ABHD2: variants seen among roughly 807,000 people sequenced by gnomAD.
ABHD2 encodes the protein monoacylglycerol lipase ABHD2.
ABHD2 carries 20 observed loss-of-function variants against 48.1 expected under a neutral mutation model. The observed-to-expected ratio is 0.42, with a 90% CI of 0.29 to 0.60. ABHD2 has a LOEUF of 0.60. ABHD2 is among the 20% of genes least tolerant of loss of function. The pLI, the probability that ABHD2 is intolerant of heterozygous loss-of-function variation, is 0.24. For missense variants in ABHD2, 405 were observed against 550.9 expected (o/e 0.74, Z 2.65); for synonymous variants, 209 against 214.2 (o/e 0.98, Z 0.21).
In ABHD2 at chr15:89,155,430, C is replaced by CT; in HGVS notation, c.437dup (p.Val147ArgfsTer2). The CT allele has an allele frequency of 1.2e-6, 2 of 1,614,200 alleles. No individual in the cohort carries two copies. Among genetic ancestry groups the CT allele is most frequent in the Non-Finnish European group, 1.7e-6 (2 of 1,180,042 alleles). ...CACAGCGAGAAGCAATACATCCGCA[C>CT]TTTCGTTGACTACGCCCAGAAAAAT... On this transcript the variant is annotated frameshift_variant, in exon 5 of 11. Coordinates refer to ENST00000352732, the MANE Select transcript of ABHD2 (RefSeq NM_152924.5). LOFTEE classifies it high-confidence loss of function. The surrounding 1 kb of genome is among the most constrained non-coding windows in gnomAD (Gnocchi z 4.9).
At chr15:89,099,426 T>C (rs1483857163) in intron 1 of ABHD2, among the ~76,000 whole-genome samples, 2 of 151,496 alleles carry the variant, frequency 1.3e-5, no homozygotes, top group Admixed American at 6.6e-5. Flanking sequence ...ATAGTGAGAC[T>C]CCATCTCTGC....
At chr15:89,170,886 G>A (rs2050915372) in intron 5 of ABHD2, among the ~76,000 whole-genome samples, 1 of 152,132 alleles carries the variant, frequency 6.6e-6, no homozygotes, top group South Asian at 2.1e-4. Flanking sequence ...GGGAGGCCGA[G>A]GGGGGCGGAT....
chr15:89,065,487 C>T, the ABHD2 span, among the ~76,000 whole-genome samples: 1 of 152,074 alleles, frequency 6.6e-6, no homozygotes, highest in Non-Finnish European at 1.5e-5. Context: ...GTTTCTTTTC[C>T]TGACAGTCTG....
chr15:89,051,545 A>C, the ABHD2 span, among the ~76,000 whole-genome samples: 1 of 152,126 alleles, frequency 6.6e-6, no homozygotes, highest in Non-Finnish European at 1.5e-5. Context: ...GCCCCCACCC[A>C]AATCTCATCT....
chr15:89,110,837 T>C lies in ABHD2; in HGVS notation c.-106-2888T>C, dbSNP rs115281899. 2.9e-3 allele frequency among the ~76,000 whole-genome samples: 446 copies of C among 152,352 alleles called. 3 individuals are homozygous for C. The highest frequency in any genetic ancestry group is 8.6e-3 in the African/African-American group (357 of 41,580). ...TTGAGGGTTGAGGAAATTAATTCTCTACTGCATTTGCTATTTAAAAAAAGT... is the reference window on the plus strand; with the variant it reads ...TTGAGGGTTGAGGAAATTAATTCTCCACTGCATTTGCTATTTAAAAAAAGT... On this transcript the variant is annotated intron_variant, in intron 1 of 10. Coordinates refer to ENST00000352732, the MANE Select transcript of ABHD2 (RefSeq NM_152924.5).
intron 3 of ABHD2, among the ~76,000 whole-genome samples, chr15:89,124,143 C>T (rs2050096911): frequency 6.6e-6 from 1 of 152,194 alleles, no homozygotes; most frequent in African/African-American, 2.4e-5. Flanking sequence ...ATTAGAAATA[C>T]ACTACAGAAA....
the ABHD2 span, among the ~76,000 whole-genome samples, chr15:89,081,231 G>A: frequency 6.8e-6 from 1 of 147,732 alleles, no homozygotes; most frequent in South Asian, 2.1e-4. Flanking sequence ...TATTGCCCAG[G>A]CTGGTCTTGA....
chr15:89,125,286 T>C (rs1297843827), intron 3 of ABHD2, among the ~76,000 whole-genome samples: 3 of 152,106 alleles, frequency 2.0e-5, no homozygotes, highest in African/African-American at 7.2e-5. Flanking sequence ...CAAATATTTC[T>C]TTGGATATTT....
Position 89,175,723 on chromosome 15 carries a change from T to C in ABHD2, c.539-89T>C. On this transcript the variant is annotated intron_variant, in intron 5 of 10. Transcript: ENST00000352732. The surrounding 1 kb of genome is among the most constrained non-coding windows in gnomAD (Gnocchi z 5.7). ...TATATTTCTCTCTCTTTTAGTATAC[T>C]GGCACCCATTTAGTAACGTTCCAGC... The C allele has an allele frequency of 7.3e-7, 1 of 1,373,208 alleles. No individual in the cohort carries two copies. Among genetic ancestry groups the C allele is most frequent in the Non-Finnish European group, 1.0e-6 (1 of 968,434 alleles). The allele number at this position is 1,373,208 out of a possible 1,614,324, so 85.1% of individuals were successfully genotyped here. A position where few individuals can be genotyped will look rare whatever the true frequency, so the allele number is the denominator to read the frequency against.
the ABHD2 span, among the ~76,000 whole-genome samples, chr15:89,060,189 C>G: frequency 4.2e-5 from 6 of 144,326 alleles, no homozygotes; most frequent in African/African-American, 1.5e-4. Context: ...CTCCTAGGTA[C>G]AAGCAATTCT....
chr15:89,077,021 T>C, the ABHD2 span, among the ~76,000 whole-genome samples: 1 of 152,148 alleles, frequency 6.6e-6, no homozygotes, highest in Admixed American at 6.5e-5. Flanking sequence ...GTTTGTTACC[T>C]ACACACAGAA....
intron 3 of ABHD2, among the ~76,000 whole-genome samples, chr15:89,117,984 T>C (rs2049988163): frequency 6.6e-6 from 1 of 152,150 alleles, no homozygotes; most frequent in Non-Finnish European, 1.5e-5. Flanking sequence ...ACTATAAATG[T>C]CATCATACTG....
At chr15:89,112,915 G>A (rs1052414624) in intron 1 of ABHD2, among the ~76,000 whole-genome samples, 9 of 152,212 alleles carry the variant, frequency 5.9e-5, no homozygotes, top group African/African-American at 2.2e-4. Context: ...ATAAAATGGG[G>A]TAATAATAGC....
At chr15:89,194,993 T>A (rs1001931077) in intron 10 of ABHD2, among the ~76,000 whole-genome samples, 1 of 152,202 alleles carries the variant, frequency 6.6e-6, no homozygotes, top group Non-Finnish European at 1.5e-5. Flanking sequence ...TTCTAAGGCT[T>A]TCTTCAGCTG....
intron 3 of ABHD2, among the ~76,000 whole-genome samples, chr15:89,123,894 C>A (rs1005931254): frequency 6.6e-6 from 1 of 152,180 alleles, no homozygotes; most frequent in South Asian, 2.1e-4. Context: ...AGGTGTGAGC[C>A]ACCACACCCA....
At position 89,166,928 on chromosome 15, in the gene ABHD2, A is replaced by G. The variant is rs1467489321; in HGVS notation, c.539-8884A>G. ...AGGGAGACCCCATCTCCCTCCATCTAATTACACATTCCAATTGAGACACTT... is the reference window on the plus strand; with the variant it reads ...AGGGAGACCCCATCTCCCTCCATCTGATTACACATTCCAATTGAGACACTT... On this transcript the variant is annotated intron_variant, in intron 5 of 10. Transcript: ENST00000352732. The surrounding 1 kb of genome is among the most constrained non-coding windows in gnomAD (Gnocchi z 4.6). Among the ~76,000 whole-genome samples the G allele has an allele frequency of 6.6e-6, 1 of 152,314 alleles. No homozygotes were observed. The highest frequency in any genetic ancestry group is 1.9e-4 in the East Asian group (1 of 5,182).
chr15:89,148,511 A>G (rs8043368), intron 3 of ABHD2, among the ~76,000 whole-genome samples: 89,549 of 152,150 alleles, frequency 0.59, 27,943 homozygotes, highest in East Asian at 0.82. Flanking sequence ...AATGTAAATG[A>G]ACCCATCTTT....
chr15:89,170,889 G>A (rs1391207255), intron 5 of ABHD2, among the ~76,000 whole-genome samples: 1 of 152,120 alleles, frequency 6.6e-6, no homozygotes, highest in Non-Finnish European at 1.5e-5. Flanking sequence ...AGGCCGAGGG[G>A]GGCGGATCAC....
intron 10 of ABHD2, 69 bp downstream of exon 10, chr15:89,193,388 C>T (rs1411559190): frequency 6.2e-6 from 8 of 1,280,064 alleles, no homozygotes. Flanking sequence ...GTCACCTTCA[C>T]CATGCTGTCA....
Sources: gnomAD v4.1 joint callset for allele counts (sites outside exome capture counted in the v4.1 genomes callset) on GRCh38, gnomAD v4.1.1 for gene constraint, Gnocchi (gnomAD v3.1) non-coding constraint, MANE v1.5 for transcripts, NCBI Gene and HGNC (gene_info 2026-07-23, HGNC 2026-07-21) for gene names.